The following SLC6A18 variants were observed in gnomAD, a reference collection of about 807,000 sequenced individuals.
SLC6A18 encodes the protein solute carrier family 6 member 18, also known as inactive sodium-dependent neutral amino acid transporter B(0)AT3.
In SLC6A18, 58 loss-of-function variants were observed where a neutral mutation model predicts 62.9. The observed-to-expected ratio is 0.92, with a 90% CI of 0.75 to 1.15. The LOEUF (loss-of-function observed/expected upper bound fraction) is 1.15. SLC6A18 is among the 50% of genes most tolerant of loss of function. The pLI is 0.00. For synonymous variants in SLC6A18, 382 were observed against 365.8 expected (o/e 1.04, Z -0.51); for missense variants, 793 against 836.6 (o/e 0.95, Z 0.64).
chr5:1,240,172 C>T (rs1055004729), intron 6 of SLC6A18, among the ~76,000 whole-genome samples: 1 of 152,264 alleles, frequency 6.6e-6, no homozygotes, highest in East Asian at 1.9e-4. Flanking sequence ...CTTGAACTCA[C>T]ACTGGAGCTG....
intron 9 of SLC6A18, 37 bp from the exon 10 acceptor site, chr5:1,244,177 T>TTCCCCCCCCCCCCCCTTCCCCCCTC: frequency 2.6e-6 from 1 of 387,124 alleles, no homozygotes; most frequent in Non-Finnish European, 4.7e-6. Flanking sequence ...CCACTCCCCA[T>TTCCCCCCCCCCCCCCTTCCCCCCTC]CCCCTTACCC....
At chr5:1,237,640 C>T (rs566312879) in intron 4 of SLC6A18, among the ~76,000 whole-genome samples, 1 of 152,242 alleles carries the variant, frequency 6.6e-6, no homozygotes, top group South Asian at 2.1e-4. Flanking sequence ...TGGCCCAGAC[C>T]CCTCTTCAGG....
In SLC6A18 at chr5:1,244,730, G is replaced by A. The variant is rs939235510; in HGVS notation, c.1619G>A (p.Trp540Ter). 6.8e-6 allele frequency: 11 copies of A among 1,611,560 alleles called. No homozygotes were observed. The highest frequency in any genetic ancestry group is 1.7e-5 in the Admixed American group (1 of 59,940). ...GTGGCTTACATCATCCTCCTGTTCT[G>A]GAAGCCACTGAGATACAAGGCCTGG... Reference protein sequence around the residue: ...IFVAYIILLFWKPLRYKAWNP... With the variant: ...IFVAYIILLF Residue 540 changes from tryptophan (W) to a stop codon, truncating the protein, a stop_gained, in exon 11 of 12, where the codon TGG becomes TAG. Coordinates refer to ENST00000324642, the MANE Select transcript of SLC6A18 (RefSeq NM_182632.3). LOFTEE classifies it low-confidence loss of function (END_TRUNC).
Position 1,241,864 on chromosome 5 carries a change from C to T in SLC6A18, c.975-843C>T, listed in dbSNP as rs1410959064. Among the ~76,000 whole-genome samples, 2 of 152,220 alleles carry T rather than the reference C, an allele frequency of 1.3e-5. No individual in the cohort carries two copies. Among genetic ancestry groups the T allele is most frequent in the African/African-American group, 4.8e-5 (2 of 41,452 alleles). On this transcript the variant is annotated intron_variant, in intron 7 of 11. Coordinates refer to ENST00000324642, the MANE Select transcript of SLC6A18 (RefSeq NM_182632.3). The surrounding 1 kb of genome is among the most constrained non-coding windows in gnomAD (Gnocchi z 7.8). The stretch of plus-strand genomic sequence containing the variant: ...CAGGCGGATAAGGACCAGCCGTGCG[C>T]ACAACGCCCTGCGCCGTGCAGCCCA...
rs373437272 is a variant in SLC6A18, at chr5:1,230,220, C to T, written c.161-1999C>T. Among the ~76,000 whole-genome samples, 8 of 140,330 alleles carry T rather than the reference C, an allele frequency of 5.7e-5. No individual in the cohort carries two copies. In the East Asian group the frequency reaches 1.2e-3, roughly 22 times the overall value. The allele number at this position is 140,330 out of a possible 152,430, so 92.1% of individuals were successfully genotyped here. A position where few individuals can be genotyped will look rare whatever the true frequency, so the allele number is the denominator to read the frequency against. On this transcript the variant is annotated intron_variant, in intron 1 of 11. Transcript: ENST00000324642. ...GGAGGTGGGGGAAGAGGGGCTCTCA[C>T]GGTACAGGCTGGAGGTGGGGGAAGA... is the stretch of plus-strand genomic sequence containing the variant.
chr5:1,243,228 G>C lies in SLC6A18; in HGVS notation c.1132-327G>C, dbSNP rs61212576. The stretch of plus-strand genomic sequence containing the variant: ...CAGGGCCAGTGTATGCCTGGACCTA[G>C]GGGCACCAGGCAGGGGGGCACAGCC... On this transcript the variant is annotated intron_variant, in intron 8 of 11. Transcript: ENST00000324642. This position sits in a 1 kb window ranked among gnomAD's most constrained non-coding sequence, Gnocchi z 6.5. Among the ~76,000 whole-genome samples the C allele has an allele frequency of 6.6e-6, 1 of 152,206 alleles. No homozygotes were observed. Among genetic ancestry groups the C allele is most frequent in the African/African-American group, 2.4e-5 (1 of 41,452 alleles).
rs1050002370 is a variant in SLC6A18, at chr5:1,246,134, G to T, written c.*56G>T. The T allele has an allele frequency of 1.3e-6, 2 of 1,496,536 alleles. No individual in the cohort carries two copies. The highest frequency in any genetic ancestry group is 1.8e-6 in the Non-Finnish European group (2 of 1,128,828). The allele number at this position is 1,496,536 out of a possible 1,614,324, so 92.7% of individuals were successfully genotyped here. ...GTCTGTGGGGGGGCTTGGCCTGATG[G>T]TGGGCGGGGCCCCGCCCACAGGGCC... On this transcript the variant is annotated 3_prime_UTR_variant, in exon 12 of 12. Transcript: ENST00000324642.
Position 1,244,376 on chromosome 5 carries a change from G to A in SLC6A18, c.1496+3G>A. ...GTTTATGTTTATGGAATGAAACGGT[G>A]AGCTGCCGCCCCGCCGAGTGCTCCT... is the stretch of plus-strand genomic sequence containing the variant. On this transcript the variant is annotated splice_donor_region_variant and intron_variant, in intron 10 of 11. Coordinates refer to ENST00000324642, the MANE Select transcript of SLC6A18 (RefSeq NM_182632.3). The A allele has an allele frequency of 6.2e-7, 1 of 1,613,772 alleles. No individual in the cohort carries two copies. The highest frequency in any genetic ancestry group is 8.5e-7 in the Non-Finnish European group (1 of 1,179,670).
In SLC6A18 at chr5:1,232,888, G is replaced by A. The variant is rs779970844; in HGVS notation, c.439G>A (p.Gly147Arg). 6.2e-7 allele frequency: 1 copy of A among 1,608,608 alleles called. No individual in the cohort carries two copies. Among genetic ancestry groups the A allele is most frequent in the Non-Finnish European group, 8.5e-7 (1 of 1,177,092 alleles). ...CTGCCCACCGGACCTCAACAGAACA[G>A]GTGAGCTGGGCGCCGCCTGCTGTGT... ...SSCPPDLNRTGFVEECQGSSA... is the reference protein window; with the variant it reads ...SSCPPDLNRTRFVEECQGSSA... The change falls in exon 3 of 12, where the codon GGG (glycine) becomes AGG (arginine). Residue 147 changes from glycine (G) to arginine (R), a missense_variant and splice_region_variant. Physicochemically the swap from Gly to Arg is moderately radical, Grantham distance 125 (BLOSUM62 -2). Coordinates refer to ENST00000324642, the MANE Select transcript of SLC6A18 (RefSeq NM_182632.3).
chr5:1,239,494 C>A lies in SLC6A18; in HGVS notation c.777C>A (p.Thr259=). The part of the protein sequence containing the change: ...QNPRVWLDAA[T]QIFFSLSLAF... ...CCCGGGTGTGGCTGGACGCAGCCACCCAGATATTCTTCTCTCTGTCCCTGG... is the reference window on the plus strand; with the variant it reads ...CCCGGGTGTGGCTGGACGCAGCCACACAGATATTCTTCTCTCTGTCCCTGG... Residue 259 remains threonine (T), a synonymous_variant, in exon 6 of 12, where the codon ACC becomes ACA. Transcript: ENST00000324642. The A allele has an allele frequency of 6.2e-7, 1 of 1,614,160 alleles. No individual in the cohort carries two copies. The highest frequency in any genetic ancestry group is 8.5e-7 in the Non-Finnish European group (1 of 1,180,006).
chr5:1,242,814 T>C lies in SLC6A18; in HGVS notation c.1082T>C (p.Val361Ala), dbSNP rs779485093. 1 of 1,613,748 alleles carries C rather than the reference T, an allele frequency of 6.2e-7. No individual in the cohort carries two copies. The highest frequency in any genetic ancestry group is 1.7e-5 in the Admixed American group (1 of 59,994). The change falls in exon 8 of 12, where the codon GTG becomes GCG. Residue 361 changes from valine to alanine, a missense_variant. Coordinates refer to ENST00000324642, the MANE Select transcript of SLC6A18 (RefSeq NM_182632.3). ...CTGAACGCCACCTGGCCCAAGAGGGTGGCCCAGCTCCCCCTGAAGGCCTGC... is the reference window on the plus strand; with the variant it reads ...CTGAACGCCACCTGGCCCAAGAGGGCGGCCCAGCTCCCCCTGAAGGCCTGC... The part of the protein sequence containing the change: ...MHLNATWPKR[V>A]AQLPLKACLL...
chr5:1,229,841 C>T (rs1227951166), intron 1 of SLC6A18, among the ~76,000 whole-genome samples: 3 of 144,842 alleles, frequency 2.1e-5, no homozygotes, highest in Non-Finnish European at 4.6e-5. Context: ...AAGAGGGGCT[C>T]TCACGGTACA....
At chr5:1,227,946 G>T (rs1044126572) in intron 1 of SLC6A18, among the ~76,000 whole-genome samples, 1 of 152,176 alleles carries the variant, frequency 6.6e-6, no homozygotes. Flanking sequence ...GTCCACACAC[G>T]TGAGGTCACT....
In SLC6A18 at chr5:1,242,834, G is replaced by T. The variant is rs866974374; in HGVS notation, c.1102G>T (p.Ala368Ser). The T allele has an allele frequency of 1.8e-5, 29 of 1,612,636 alleles. No homozygotes were observed. The Middle Eastern group carries it at 9.9e-4, about 55-fold the overall frequency. ...PKRVAQLPLK[A>S]CLLEDFLDKS... is the part of the protein sequence containing the mutation. ...GAGGGTGGCCCAGCTCCCCCTGAAG[G>T]CCTGCCTCCTGGAAGACTTTCTGGA... Residue 368 changes from alanine to serine, a missense_variant, in exon 8 of 12, where the codon GCC becomes TCC. By Grantham distance (99) the Ala-to-Ser change is moderately conservative. Transcript: ENST00000324642.
chr5:1,243,317 A>G lies in SLC6A18; in HGVS notation c.1132-238A>G, dbSNP rs1747114407. On this transcript the variant is annotated intron_variant, in intron 8 of 11. Coordinates refer to ENST00000324642, the MANE Select transcript of SLC6A18 (RefSeq NM_182632.3). This position sits in a 1 kb window ranked among gnomAD's most constrained non-coding sequence, Gnocchi z 6.5. ...CTAGGCATAAAAGGCGCTGGTTTCT[A>G]GGCCCAGCTGCCTGCTGTGGGTTAT... 6.6e-6 allele frequency among the ~76,000 whole-genome samples: 1 copy of G among 152,176 alleles called. No homozygotes were observed. The highest frequency in any genetic ancestry group is 6.5e-5 in the Admixed American group (1 of 15,284).
intron 3 of SLC6A18, among the ~76,000 whole-genome samples, chr5:1,233,645 G>A (rs948096780): frequency 9.4e-5 from 14 of 149,402 alleles, no homozygotes; most frequent in Non-Finnish European, 1.8e-4. Context: ...GTGCAGTGGT[G>A]CAAGCATGGC....
rs1215053163 is a variant in SLC6A18 at position 1,232,318 on chromosome 5, T to C, written c.260T>C (p.Val87Ala). The change falls in exon 2 of 12, where the codon GTC (valine) becomes GCC (alanine). Residue 87 changes from valine to alanine, a missense_variant. Coordinates refer to ENST00000324642, the MANE Select transcript of SLC6A18 (RefSeq NM_182632.3). The stretch of plus-strand genomic sequence containing the variant: ...GGCCAGCGGCTGCGGAAGGGCAGCG[T>C]CGGCGTGTGGACGGCCATCTCCCCG... The part of the protein sequence containing the change: ...AIGQRLRKGS[V>A]GVWTAISPYL... The C allele has an allele frequency of 5.6e-6, 9 of 1,612,046 alleles. No homozygotes were observed. Among genetic ancestry groups the C allele is most frequent in the Non-Finnish European group, 7.6e-6 (9 of 1,179,814 alleles).
Position 1,243,878 on chromosome 5 carries a change from G to C in SLC6A18, c.1336+119G>C. Reference sequence around the variant, plus strand: ...GCGCAAGGGGCCAAGCCTGAGTTCAGGGAAAGGCTGAGCCAGGCTACTCCT... The same window carrying C: ...GCGCAAGGGGCCAAGCCTGAGTTCACGGAAAGGCTGAGCCAGGCTACTCCT... On this transcript the variant is annotated intron_variant, in intron 9 of 11. Coordinates refer to ENST00000324642, the MANE Select transcript of SLC6A18 (RefSeq NM_182632.3). The surrounding 1 kb of genome is among the most constrained non-coding windows in gnomAD (Gnocchi z 6.5). 1 of 1,015,596 alleles carries C rather than the reference G, an allele frequency of 9.8e-7. No individual in the cohort carries two copies. The highest frequency in any genetic ancestry group is 1.4e-6 in the Non-Finnish European group (1 of 714,520). 62.9% of individuals were successfully genotyped at this position (1,015,596 alleles called of 1,614,324 possible). A position where few individuals can be genotyped will look rare whatever the true frequency, so the allele number is the denominator to read the frequency against.
Position 1,225,520 on chromosome 5 carries a change from G to C in SLC6A18, c.43G>C (p.Gly15Arg). ...ACCGGACCCGGCCGCCTGCGACCTCGGGGATGAGAGGCCCAAGTGGGACAA... is the reference window on the plus strand; with the variant it reads ...ACCGGACCCGGCCGCCTGCGACCTCCGGGATGAGAGGCCCAAGTGGGACAA... Reference protein sequence around the residue: ...PEPDPAACDLGDERPKWDNKA... With the variant: ...PEPDPAACDLRDERPKWDNKA... Residue 15 changes from glycine to arginine, a missense_variant, in exon 1 of 12, where the codon GGG (glycine) becomes CGG (arginine). Transcript: ENST00000324642. 6.2e-7 allele frequency: 1 copy of C among 1,613,394 alleles called. No homozygotes were observed. The highest frequency in any genetic ancestry group is 8.5e-7 in the Non-Finnish European group (1 of 1,179,516).
Sources: allele counts gnomAD v4.1 joint callset (sites outside exome capture counted in the v4.1 genomes callset), GRCh38; gene constraint gnomAD v4.1.1; non-coding constraint Gnocchi (gnomAD v3.1); transcripts MANE v1.5; gene names NCBI Gene and HGNC (gene_info 2026-07-23, HGNC 2026-07-21).